The following GRIA3 variants were observed in gnomAD, a reference collection of about 807,000 sequenced individuals.
GRIA3 encodes the protein glutamate ionotropic receptor AMPA type subunit 3, also known as glutamate receptor 3.
GRIA3 carries 3 observed loss-of-function variants against 63.0 expected under a neutral mutation model. That is an observed-to-expected ratio of 0.05 (90% CI 0.02 to 0.12). GRIA3 has a LOEUF of 0.12. GRIA3 is among the 10% of genes least tolerant of loss of function. GRIA3 has a pLI of 1.00. For synonymous variants in GRIA3, 274 were observed against 257.9 expected (o/e 1.06, Z -0.60); for missense variants, 347 against 700.9 (o/e 0.50, Z 5.70).
chrX:123,185,459 C>T (rs192001270), intron 1 of GRIA3, among the ~76,000 whole-genome samples: 3 of 100,186 alleles, frequency 3.0e-5, no homozygotes, highest in African/African-American at 1.1e-4. Flanking sequence ...CCAACCTTTC[C>T]CTTCACACAA....
At chrX:123,291,779 T>C (rs2044657542) in intron 3 of GRIA3, among the ~76,000 whole-genome samples, 2 of 110,447 alleles carry the variant, frequency 1.8e-5, no homozygotes, top group East Asian at 2.9e-4. Flanking sequence ...GGAAACAAAG[T>C]ATCTAGCTGG....
intron 2 of GRIA3, among the ~76,000 whole-genome samples, chrX:123,187,045 G>A: frequency 8.9e-6 from 1 of 112,378 alleles, no homozygotes; most frequent in Non-Finnish European, 1.9e-5. Flanking sequence ...GGCTGAATAT[G>A]GTATAAAATA....
intron 2 of GRIA3, among the ~76,000 whole-genome samples, chrX:123,187,722 C>G (rs1050025688): frequency 4.5e-5 from 5 of 111,921 alleles, no homozygotes; most frequent in African/African-American, 1.6e-4. Context: ...TTTGGTTTCT[C>G]AGAAATGATT....
chrX:123,408,554 CT>C (rs1362495489), intron 10 of GRIA3, among the ~76,000 whole-genome samples: 1 of 112,313 alleles, frequency 8.9e-6, no homozygotes, highest in African/African-American at 3.2e-5. Context: ...TCCAATTTGT[CT>C]ACTTGTGAGT....
chrX:123,286,824 T>G (rs1006294714), intron 3 of GRIA3, among the ~76,000 whole-genome samples: 3 of 111,574 alleles, frequency 2.7e-5, no homozygotes, highest in Admixed American at 9.5e-5. Context: ...CAGCCAAATT[T>G]TACCAGAGAT....
At chrX:123,200,575 C>A (rs1206871076) in intron 2 of GRIA3, among the ~76,000 whole-genome samples, 1 of 93,541 alleles carries the variant, frequency 1.1e-5, no homozygotes, top group Non-Finnish European at 2.1e-5. Context: ...ATATATGAGC[C>A]CATATATATA....
chrX:123,435,475 GA>G (rs1287157470), intron 12 of GRIA3, among the ~76,000 whole-genome samples: 1 of 112,246 alleles, frequency 8.9e-6, no homozygotes, highest in Non-Finnish European at 1.9e-5. Flanking sequence ...GCTCAATGGA[GA>G]AAAGCTGGCA....
intron 5 of GRIA3, among the ~76,000 whole-genome samples, chrX:123,375,743 A>C (rs1196013261): frequency 8.9e-6 from 1 of 112,074 alleles, no homozygotes; most frequent in Non-Finnish European, 1.9e-5. Context: ...ATTAGATGGG[A>C]AATAGATGAA....
intron 3 of GRIA3, among the ~76,000 whole-genome samples, chrX:123,308,511 G>C (rs1329938795): frequency 8.9e-6 from 1 of 111,920 alleles, no homozygotes; most frequent in Non-Finnish European, 1.9e-5. Context: ...CTTGAAATAA[G>C]ACATTGTGGC....
At chrX:123,312,124 G>A (rs1490170234) in intron 3 of GRIA3, among the ~76,000 whole-genome samples, 1 of 111,775 alleles carries the variant, frequency 8.9e-6, no homozygotes, top group East Asian at 2.8e-4. Flanking sequence ...CCTTGACCCC[G>A]CCTTGACAGC....
At chrX:123,444,980 G>C (rs993303861) in intron 12 of GRIA3, among the ~76,000 whole-genome samples, 2 of 111,114 alleles carry the variant, frequency 1.8e-5, no homozygotes, top group African/African-American at 6.5e-5. Flanking sequence ...TCTCAAGCAG[G>C]AGAGAAATGT....
At chrX:123,385,488 T>C (rs1297513550) in intron 5 of GRIA3, among the ~76,000 whole-genome samples, 2 of 112,261 alleles carry the variant, frequency 1.8e-5, no homozygotes, top group South Asian at 3.7e-4. Context: ...TTTGGTTCCA[T>C]AGGAATTTTA....
intron 5 of GRIA3, among the ~76,000 whole-genome samples, chrX:123,393,581 T>C (rs1259612004): frequency 8.9e-6 from 1 of 112,321 alleles, no homozygotes; most frequent in Non-Finnish European, 1.9e-5. Context: ...TTTTAGTTAA[T>C]GACCTGCATG....
intron 3 of GRIA3, among the ~76,000 whole-genome samples, chrX:123,298,577 T>C (rs1186693614): frequency 9.0e-6 from 1 of 111,380 alleles, no homozygotes; most frequent in Non-Finnish European, 1.9e-5. Context: ...TTTAATGGGG[T>C]CGTTTGCTTT....
At chrX:123,420,601 G>A (rs1029871418) in intron 11 of GRIA3, among the ~76,000 whole-genome samples, 2 of 111,082 alleles carry the variant, frequency 1.8e-5, no homozygotes, top group African/African-American at 6.5e-5. Context: ...TAAGGCTCAA[G>A]ATTTTATTGG....
intron 2 of GRIA3, among the ~76,000 whole-genome samples, chrX:123,244,950 A>C (rs2044349459): frequency 8.9e-6 from 1 of 112,574 alleles, no homozygotes; most frequent in Non-Finnish European, 1.9e-5. Flanking sequence ...CAGTTGAAAC[A>C]GAAAGAAGGA....
At chrX:123,282,596 G>A (rs757248043) in intron 3 of GRIA3, among the ~76,000 whole-genome samples, 5 of 112,607 alleles carry the variant, frequency 4.4e-5, no homozygotes, top group African/African-American at 1.6e-4. Context: ...AGAATCATTC[G>A]GTGTCTTTAT....
At chrX:123,294,753 C>A (rs747950476) in intron 3 of GRIA3, among the ~76,000 whole-genome samples, 3 of 111,139 alleles carry the variant, frequency 2.7e-5, no homozygotes, top group Non-Finnish European at 5.7e-5. Flanking sequence ...ATCAACTGAG[C>A]AAAGCCTTCT....
chrX:123,400,772 A>C (rs1427873747), intron 7 of GRIA3, among the ~76,000 whole-genome samples: 1 of 112,212 alleles, frequency 8.9e-6, no homozygotes, highest in African/African-American at 3.2e-5. Flanking sequence ...TAAGATGAGG[A>C]GTGCACACAT....
Sources: gnomAD v4.1 joint callset for allele counts (sites outside exome capture counted in the v4.1 genomes callset) on GRCh38, gnomAD v4.1.1 for gene constraint, MANE v1.5 for transcripts, NCBI Gene and HGNC (gene_info 2026-07-23, HGNC 2026-07-21) for gene names.